ANKRD24: variants seen among roughly 807,000 people sequenced by gnomAD.
ANKRD24 encodes ankyrin repeat domain 24.
A neutral mutation model predicts 127.8 loss-of-function variants in ANKRD24; 109 were observed. The ratio of observed to expected loss-of-function variants is 0.85; its 90% confidence interval spans 0.73 to 1.00. The LOEUF is 1.00. Among genes scored for constraint, ANKRD24 ranks in the 50% least tolerant of loss-of-function variants. The probability of loss-of-function intolerance (pLI) is 0.00; values close to 1 mark genes in which losing one functional copy is unlikely to be tolerated. For synonymous variants in ANKRD24, 743 were observed against 671.1 expected, an observed-to-expected ratio of 1.11 and a Z score of -1.66; for missense variants, 1,648 against 1,570.2, an observed-to-expected ratio of 1.05 and a Z score of -0.84.
chr19:4,217,161 A>G lies in ANKRD24; in HGVS notation c.2001A>G (p.Thr667=), dbSNP rs746023487. Reference sequence around the variant, plus strand: ...CTGGGCAAGCAGAGCCCCCAGTCACAGGGACCACAAACATGGAGGCCACGG... The same window carrying G: ...CTGGGCAAGCAGAGCCCCCAGTCACGGGGACCACAAACATGGAGGCCACGG... ...VGAGQAEPPV[T]GTTNMEATGS... Residue 667 remains threonine, a synonymous_variant, in exon 18 of 22, where the codon ACA becomes ACG. Coordinates refer to ENST00000318934, the MANE Select transcript of ANKRD24 (RefSeq NM_001393985.1). 4 of 1,612,928 alleles carry G rather than the reference A, an allele frequency of 2.5e-6. No homozygotes were observed. The highest frequency in any genetic ancestry group is 2.2e-5 in the South Asian group (2 of 90,900).
intron 19 of ANKRD24, 46 bp downstream of exon 19, chr19:4,219,804 G>C (rs753128239): frequency 2.6e-6 from 4 of 1,536,408 alleles, no homozygotes; most frequent in East Asian, 4.6e-5. Context: ...CATCCACTCA[G>C]CAAAGGTTGG....
In ANKRD24 at chr19:4,190,477, C is replaced by G. The variant is rs527384327; in HGVS notation, c.36+4016C>G. On this transcript the variant is annotated intron_variant, in intron 2 of 21. Transcript: ENST00000318934. ...TGGTGGCTCACGTCTGTAATCCCAG[C>G]ACTTTGAGAGGCAGAGGCGGGCAGA... 2.0e-5 allele frequency among the ~76,000 whole-genome samples: 3 copies of G among 150,548 alleles called. No homozygotes were observed. The Admixed American group carries it at 2.0e-4, about 10-fold the overall frequency.
In ANKRD24 at chr19:4,199,745, G is replaced by T; in HGVS notation, c.99G>T (p.Lys33Asn). 6.5e-7 allele frequency: 1 copy of T among 1,538,078 alleles called. No individual in the cohort carries two copies. The highest frequency in any genetic ancestry group is 8.7e-7 in the Non-Finnish European group (1 of 1,144,566). Residue 33 changes from lysine to asparagine, a missense_variant, in exon 3 of 22, where the codon AAG (lysine) becomes AAT (asparagine). Transcript: ENST00000318934. The surrounding 1 kb of genome is among the most constrained non-coding windows in gnomAD (Gnocchi z 5.2). ...CCTGCGGCCCCTGCCCCATCCCGAAGCCGGCAGCCAGAGGCAGGCGCCAGG... is the reference window on the plus strand; with the variant it reads ...CCTGCGGCCCCTGCCCCATCCCGAATCCGGCAGCCAGAGGCAGGCGCCAGG... The part of the protein sequence containing the change: ...CPPCGPCPIP[K>N]PAARGRRQSQ...
At chr19:4,218,274 C>A in intron 18 of ANKRD24, 111 bp downstream of exon 18, 1 of 785,412 alleles carries the variant, frequency 1.3e-6, no homozygotes, top group East Asian at 3.4e-5. Context: ...CTTGAACAGA[C>A]CTACTTTATT....
chr19:4,200,023 G>C lies in ANKRD24; in HGVS notation c.254+18G>C. ...AAGTCCGCGTGAGTGCCCGCGACCC[G>C]GGAGTGAGATGGCTGAGGGGTGGCA... is the stretch of plus-strand genomic sequence containing the variant. On this transcript the variant is annotated intron_variant, in intron 4 of 21. Coordinates refer to ENST00000318934, the MANE Select transcript of ANKRD24 (RefSeq NM_001393985.1). 6.4e-7 allele frequency: 1 copy of C among 1,564,138 alleles called. No homozygotes were observed. The highest frequency in any genetic ancestry group is 1.2e-5 in the South Asian group (1 of 85,348).
At chr19:4,207,668 C>A in intron 9 of ANKRD24, 61 bp downstream of exon 9, 1 of 1,603,566 alleles carries the variant, frequency 6.2e-7, no homozygotes. Context: ...CAAGACTTAA[C>A]CTAAGTAAGA....
At chr19:4,202,752 G>T in intron 6 of ANKRD24, 117 bp from the exon 7 acceptor site, 1 of 1,062,820 alleles carries the variant, frequency 9.4e-7, no homozygotes, top group South Asian at 1.3e-5. Flanking sequence ...GAGTCCCTTG[G>T]GGGCCACGGA....
At position 4,219,671 on chromosome 19, in the gene ANKRD24, G is replaced by C. The variant is rs777844489; in HGVS notation, c.3084G>C (p.Arg1028=). ...TGGCCACAGCAGAGCAGCAGCTACG[G>C]GGGCTACGGACCGAGGCGGAAAGGG... is the stretch of plus-strand genomic sequence containing the variant. The part of the protein sequence containing the change: ...AQLATAEQQL[R]GLRTEAERAR... The change falls in exon 19 of 22, where the codon CGG becomes CGC. Residue 1028 remains arginine (R), a synonymous_variant. Transcript: ENST00000318934. 4.3e-6 allele frequency: 7 copies of C among 1,613,752 alleles called. No individual in the cohort carries two copies. Among genetic ancestry groups the C allele is most frequent in the Non-Finnish European group, 5.9e-6 (7 of 1,179,860 alleles).
chr19:4,196,148 G>C (rs536257382), intron 2 of ANKRD24, among the ~76,000 whole-genome samples: 5 of 152,292 alleles, frequency 3.3e-5, no homozygotes, highest in Admixed American at 3.3e-4. Flanking sequence ...TGCCCACAGT[G>C]CTTCCTTGGT....
chr19:4,219,572 G>T lies in ANKRD24; in HGVS notation c.3004-19G>T. On this transcript the variant is annotated intron_variant, in intron 18 of 21. Coordinates refer to ENST00000318934, the MANE Select transcript of ANKRD24 (RefSeq NM_001393985.1). ...GGAGTCTTAGTGTCCTGAGAGTCAT[G>T]CGTGGGCTTGGGCCACAGGTGCAGC... The T allele has an allele frequency of 6.3e-7, 1 of 1,592,874 alleles. No homozygotes were observed. Among genetic ancestry groups the T allele is most frequent in the Non-Finnish European group, 8.6e-7 (1 of 1,165,102 alleles).
intron 11 of ANKRD24, among the ~76,000 whole-genome samples, chr19:4,209,344 G>A (rs1969568311): frequency 6.6e-6 from 1 of 152,044 alleles, no homozygotes; most frequent in East Asian, 1.9e-4. Context: ...CTGGCCTCAA[G>A]TGACCCACCC....
chr19:4,197,340 G>A (rs1361870825), intron 2 of ANKRD24, among the ~76,000 whole-genome samples: 1 of 151,446 alleles, frequency 6.6e-6, no homozygotes, highest in African/African-American at 2.4e-5. Flanking sequence ...GAATGGGCGT[G>A]CCAATGAATG....
rs1242094634 is a variant in ANKRD24, at chr19:4,222,800, G to A, written c.3297+5G>A. ...GATTTACAGCAGCAGCTGCAGGTAA[G>A]GACTGGGCCACGCAGGGGCCAGGGG... On this transcript the variant is annotated splice_donor_5th_base_variant and intron_variant, in intron 20 of 21. Coordinates refer to ENST00000318934, the MANE Select transcript of ANKRD24 (RefSeq NM_001393985.1). 6.2e-7 allele frequency: 1 copy of A among 1,601,090 alleles called. No homozygotes were observed.
intron 6 of ANKRD24, among the ~76,000 whole-genome samples, chr19:4,202,557 C>T (rs957433049): frequency 4.6e-5 from 7 of 151,686 alleles, no homozygotes; most frequent in African/African-American, 1.7e-4. Context: ...GCAACAAGAG[C>T]GAAACACCAT....
In ANKRD24 at chr19:4,224,737, C is replaced by G. The variant is rs939566470; in HGVS notation, c.*232C>G. On this transcript the variant is annotated 3_prime_UTR_variant, in exon 22 of 22. Transcript: ENST00000318934. ...ACCCGGGCCGTGACTGCCCCTCCCC[C>G]ACCACCGGAGACTGTGATTCCCTGT... The G allele has an allele frequency of 1.8e-6, 1 of 568,140 alleles. No homozygotes were observed. The highest frequency in any genetic ancestry group is 1.9e-5 in the African/African-American group (1 of 53,146). The allele number at this position is 568,140 out of a possible 1,614,324, so 35.2% of individuals were successfully genotyped here.
At position 4,216,269 on chromosome 19, in the gene ANKRD24, T is replaced by C. The variant is rs1267900070; in HGVS notation, c.1271-15T>C. 2 of 1,550,912 alleles carry C rather than the reference T, an allele frequency of 1.3e-6. No individual in the cohort carries two copies. Among genetic ancestry groups the C allele is most frequent in the East Asian group, 4.9e-5 (2 of 40,904 alleles). On this transcript the variant is annotated splice_polypyrimidine_tract_variant and intron_variant, in intron 16 of 21. Transcript: ENST00000318934. ...GGCCCAGGTCCCCAGGGCCTGACTC[T>C]GCGTCCCCCTCCAGGGGCCGAGGTG...
chr19:4,196,687 T>C (rs1340571771), intron 2 of ANKRD24, among the ~76,000 whole-genome samples: 1 of 152,138 alleles, frequency 6.6e-6, no homozygotes, highest in Non-Finnish European at 1.5e-5. Context: ...CAGGGCTCCT[T>C]CTAAAATGCC....
chr19:4,200,822 C>G (rs1484551017), intron 5 of ANKRD24, among the ~76,000 whole-genome samples: 1 of 151,992 alleles, frequency 6.6e-6, no homozygotes, highest in Non-Finnish European at 1.5e-5. Flanking sequence ...CATGCCAAGC[C>G]TGGGGAAGTT....
At position 4,219,605 on chromosome 19, in the gene ANKRD24, C is replaced by T; in HGVS notation, c.3018C>T (p.Ala1006=). Residue 1006 remains alanine, a synonymous_variant, in exon 19 of 22, where the codon GCC becomes GCT. Coordinates refer to ENST00000318934, the MANE Select transcript of ANKRD24 (RefSeq NM_001393985.1). ...SAEVFQVQRE[A]LFMKSERHAA... Reference sequence around the variant, plus strand: ...TTGGGCCACAGGTGCAGCGTGAGGCCCTGTTCATGAAGAGTGAGCGACACG... The same window carrying T: ...TTGGGCCACAGGTGCAGCGTGAGGCTCTGTTCATGAAGAGTGAGCGACACG... 1.2e-6 allele frequency: 2 copies of T among 1,611,720 alleles called. No individual in the cohort carries two copies. Among genetic ancestry groups the T allele is most frequent in the Non-Finnish European group, 8.5e-7 (1 of 1,178,278 alleles).
Sources: allele counts gnomAD v4.1 joint callset (sites outside exome capture counted in the v4.1 genomes callset), GRCh38; gene constraint gnomAD v4.1.1; non-coding constraint Gnocchi (gnomAD v3.1); transcripts MANE v1.5; gene names NCBI Gene and HGNC (gene_info 2026-07-23, HGNC 2026-07-21).